Variants in CAB39L observed in about 807,000 individuals in gnomAD.
CAB39L encodes the protein calcium binding protein 39 like.
CAB39L carries 23 observed loss-of-function variants against 39.1 expected under a neutral mutation model. That is an observed-to-expected ratio of 0.59 (90% CI 0.42 to 0.83). CAB39L has a LOEUF of 0.83. Ranked by LOEUF, CAB39L falls within the 40% of genes least tolerant of loss-of-function variation. The pLI, the probability that CAB39L is intolerant of heterozygous loss-of-function variation, is 0.00. For missense variants in CAB39L, 366 were observed against 391.9 expected (o/e 0.93, Z 0.56); for synonymous variants, 126 against 137.2 (o/e 0.92, Z 0.57).
At chr13:49,321,397 C>T (rs1954334565) in intron 10 of CAB39L, among the ~76,000 whole-genome samples, 2 of 152,228 alleles carry the variant, frequency 1.3e-5, no homozygotes, top group Non-Finnish European at 2.9e-5. Context: ...TGAATCCTTG[C>T]TATGCACTGG....
intron 1 of CAB39L, among the ~76,000 whole-genome samples, chr13:49,439,920 G>GTTT (rs1270438947): frequency 0.082 from 3,298 of 40,030 alleles, 203 homozygotes; most frequent in African/African-American, 0.26. Context: ...CTTTTTAATG[G>GTTT]GTTTTTTTTT....
At chr13:49,439,503 A>C (rs1422185019) in intron 1 of CAB39L, among the ~76,000 whole-genome samples, 1 of 152,230 alleles carries the variant, frequency 6.6e-6, no homozygotes. Flanking sequence ...CCTGATGGAC[A>C]CATAGGTTGA....
At chr13:49,352,938 T>C (rs958601351) in intron 6 of CAB39L, among the ~76,000 whole-genome samples, 2 of 152,214 alleles carry the variant, frequency 1.3e-5, no homozygotes, top group Non-Finnish European at 2.9e-5. Context: ...TATAGAATTT[T>C]CATGAAAGAC....
At chr13:49,416,530 G>C (rs1957086965) in intron 3 of CAB39L, among the ~76,000 whole-genome samples, 1 of 152,186 alleles carries the variant, frequency 6.6e-6, no homozygotes, top group Admixed American at 6.5e-5. Flanking sequence ...GAACAATGCT[G>C]ACAAGGAGAC....
At chr13:49,367,296 G>A (rs1593997766) in intron 5 of CAB39L, among the ~76,000 whole-genome samples, 1 of 152,192 alleles carries the variant, frequency 6.6e-6, no homozygotes, top group African/African-American at 2.4e-5. Flanking sequence ...TTAGGGAAAT[G>A]AAAATCAAAA....
intron 9 of CAB39L, among the ~76,000 whole-genome samples, chr13:49,333,091 G>GT (rs1456863844): frequency 1.4e-4 from 22 of 152,006 alleles, no homozygotes; most frequent in African/African-American, 5.1e-4. Flanking sequence ...TGCCTGTGAT[G>GT]TATCTTTTGT....
At chr13:49,364,533 T>C (rs977587466) in intron 5 of CAB39L, among the ~76,000 whole-genome samples, 1 of 152,130 alleles carries the variant, frequency 6.6e-6, no homozygotes, top group African/African-American at 2.4e-5. Context: ...AACCTTATAT[T>C]TGGAAAAAAC....
At chr13:49,349,477 T>C (rs1340545802) in intron 7 of CAB39L, among the ~76,000 whole-genome samples, 7 of 148,668 alleles carry the variant, frequency 4.7e-5, no homozygotes, top group East Asian at 4.1e-4. Flanking sequence ...TATATATATA[T>C]ACATTTAAAT....
chr13:49,442,033 T>G (rs1957533914), intron 1 of CAB39L, among the ~76,000 whole-genome samples: 1 of 152,226 alleles, frequency 6.6e-6, no homozygotes, highest in Non-Finnish European at 1.5e-5. Flanking sequence ...TGCCAGGAAA[T>G]GTATTGTTTG....
chr13:49,372,562 C>T (rs1955950188), intron 5 of CAB39L, among the ~76,000 whole-genome samples: 1 of 152,176 alleles, frequency 6.6e-6, no homozygotes, highest in South Asian at 2.1e-4. Flanking sequence ...GCCCTTCAAC[C>T]CCCATTCATT....
chr13:49,349,993 G>A (rs1342400356), intron 7 of CAB39L, among the ~76,000 whole-genome samples: 1 of 152,064 alleles, frequency 6.6e-6, no homozygotes, highest in Non-Finnish European at 1.5e-5. Context: ...TTTTTTTGAT[G>A]ATAAAATACA....
At chr13:49,398,340 A>G (rs1956685386) in intron 3 of CAB39L, among the ~76,000 whole-genome samples, 1 of 151,670 alleles carries the variant, frequency 6.6e-6, no homozygotes, top group African/African-American at 2.4e-5. Context: ...ACATGCTAAT[A>G]TAGTTTTAAT....
intron 7 of CAB39L, among the ~76,000 whole-genome samples, chr13:49,349,705 C>T (rs1955284062): frequency 6.6e-6 from 1 of 151,960 alleles, no homozygotes; most frequent in South Asian, 2.1e-4. Flanking sequence ...CTAACTTGAT[C>T]ACCCACTTTA....
intron 10 of CAB39L, among the ~76,000 whole-genome samples, chr13:49,312,548 A>C (rs1388789199): frequency 6.6e-6 from 1 of 152,216 alleles, no homozygotes; most frequent in Non-Finnish European, 1.5e-5. Context: ...TATATAGCCT[A>C]GGTGTGTGGC....
In CAB39L at chr13:49,310,463, C is replaced by G. The variant is rs182300271; in HGVS notation, c.*351G>C. The G allele has an allele frequency of 3.9e-3, 740 of 190,636 alleles. 12 individuals are homozygous for G. The highest frequency in any genetic ancestry group is 0.017 in the African/African-American group (717 of 42,890). 11.8% of individuals were successfully genotyped at this position (190,636 alleles called of 1,614,324 possible). Reference sequence around the variant, plus strand: ...CACCCTGGCCCCATTCCCAGTTCTCCCCTGAGAACTCAGTCCTCCTTGAAG... The same window carrying G: ...CACCCTGGCCCCATTCCCAGTTCTCGCCTGAGAACTCAGTCCTCCTTGAAG... On this transcript the variant is annotated 3_prime_UTR_variant, in exon 11 of 11. Transcript: ENST00000409308.
intron 10 of CAB39L, among the ~76,000 whole-genome samples, chr13:49,313,668 A>G (rs1403007893): frequency 6.6e-6 from 1 of 152,138 alleles, no homozygotes; most frequent in Admixed American, 6.5e-5. Context: ...CACACTCCTT[A>G]GTTACTGCTA....
chr13:49,318,934 G>T (rs915560664), intron 10 of CAB39L, among the ~76,000 whole-genome samples: 1 of 152,054 alleles, frequency 6.6e-6, no homozygotes, highest in African/African-American at 2.4e-5. Flanking sequence ...CCCATGCAAT[G>T]GAATATTATT....
At chr13:49,342,456 T>C (rs1308397629) in intron 8 of CAB39L, among the ~76,000 whole-genome samples, 2 of 152,182 alleles carry the variant, frequency 1.3e-5, no homozygotes, top group African/African-American at 4.8e-5. Flanking sequence ...AAAAATCCAT[T>C]CATCATACCA....
intron 10 of CAB39L, among the ~76,000 whole-genome samples, chr13:49,331,381 G>A (rs180724303): frequency 2.0e-4 from 30 of 152,106 alleles, no homozygotes; most frequent in East Asian, 3.9e-4. Flanking sequence ...GAGGAGAATC[G>A]CTTTAACCTG....
Sources: gnomAD v4.1 joint callset for allele counts (sites outside exome capture counted in the v4.1 genomes callset) on GRCh38, gnomAD v4.1.1 for gene constraint, MANE v1.5 for transcripts, NCBI Gene and HGNC (gene_info 2026-07-23, HGNC 2026-07-21) for gene names.